LIN9: variants seen among roughly 807,000 people sequenced by gnomAD.
The protein encoded by LIN9 is lin-9 DREAM MuvB core complex component.
LIN9 carries 18 observed loss-of-function variants against 78.0 expected under a neutral mutation model. That is an observed-to-expected ratio of 0.23 (90% CI 0.16 to 0.34). The LOEUF is 0.34. LIN9 is among the 10% of genes least tolerant of loss of function. The pLI is 1.00. For synonymous variants in LIN9, 192 were observed against 215.2 expected, an observed-to-expected ratio of 0.89 and a Z score of 0.94; for missense variants, 451 against 644.1, an observed-to-expected ratio of 0.70 and a Z score of 3.25.
At chr1:226,288,310 C>A (rs1661503594) in intron 4 of LIN9, among the ~76,000 whole-genome samples, 1 of 152,022 alleles carries the variant, frequency 6.6e-6, no homozygotes, top group Non-Finnish European at 1.5e-5. Flanking sequence ...ACATTTCTCC[C>A]CACTCCAACC....
At chr1:226,241,630 G>A (rs533806203) in intron 11 of LIN9, among the ~76,000 whole-genome samples, 37 of 152,146 alleles carry the variant, frequency 2.4e-4, no homozygotes, top group African/African-American at 8.4e-4. Context: ...AGGCTGAGGC[G>A]GGTGGATCAC....
At chr1:226,267,561 G>C (rs904036387) in intron 8 of LIN9, among the ~76,000 whole-genome samples, 1 of 151,910 alleles carries the variant, frequency 6.6e-6, no homozygotes, top group East Asian at 1.9e-4. Context: ...CACCCACCTT[G>C]CATGCCTCTG....
chr1:226,241,263 A>C (rs996461111), intron 11 of LIN9, among the ~76,000 whole-genome samples: 6 of 152,202 alleles, frequency 3.9e-5, no homozygotes, highest in African/African-American at 1.4e-4. Context: ...TGCTGAATTT[A>C]ATTTCATTTC....
Position 226,232,536 on chromosome 1 carries a change from G to A in LIN9, c.1594C>T (p.His532Tyr), listed in dbSNP as rs182468793. The A allele has an allele frequency of 1.9e-6, 3 of 1,612,152 alleles. No homozygotes were observed. The highest frequency in any genetic ancestry group is 2.2e-5 in the East Asian group (1 of 44,806). ...QSGLSQMGNL[H>Y]AFAANNTNRD Reference sequence around the variant, plus strand: ...TTGGTGTTATTTGCTGCAAAGGCATGTAAGTTTCCCATCTGGCTCAGGCCA... The same window carrying A: ...TTGGTGTTATTTGCTGCAAAGGCATATAAGTTTCCCATCTGGCTCAGGCCA... Residue 532 changes from histidine (H) to tyrosine (Y), a missense_variant, in exon 15 of 15, where the codon CAT (histidine) becomes TAT (tyrosine). His to Tyr is a moderately conservative substitution (Grantham distance 83, BLOSUM62 2). Transcript: ENST00000681046.
At chr1:226,257,291 A>G (rs1016487371) in intron 10 of LIN9, among the ~76,000 whole-genome samples, 33 of 152,348 alleles carry the variant, frequency 2.2e-4, no homozygotes, top group African/African-American at 7.7e-4. Context: ...AGAAAATTTT[A>G]TATGTCAGAA....
chr1:226,294,845 GC>G (rs1319584249), intron 4 of LIN9, among the ~76,000 whole-genome samples: 1 of 151,098 alleles, frequency 6.6e-6, no homozygotes, highest in African/African-American at 2.4e-5. Flanking sequence ...TGTTGCCCAG[GC>G]TGGAGTGCAG....
At chr1:226,299,504 C>CAAAA (rs34440310) in intron 2 of LIN9, among the ~76,000 whole-genome samples, 1 of 88,936 alleles carries the variant, frequency 1.1e-5, no homozygotes, top group African/African-American at 4.4e-5. Flanking sequence ...GACTCAGTCT[C>CAAAA]AAAAAAAAAA....
chr1:226,265,500 ACAAACAGC>A lies in LIN9; in HGVS notation c.1038+25_1038+32del. ...AACATAAAAGGCATTGAGTTTTTAA[ACAAACAGC>A]CAAGATATTCAGAACAATTCTTACC... On this transcript the variant is annotated intron_variant, in intron 10 of 14. Transcript: ENST00000681046. This position sits in a 1 kb window ranked among gnomAD's most constrained non-coding sequence, Gnocchi z 4.1. The A allele has an allele frequency of 7.1e-7, 1 of 1,406,748 alleles. No homozygotes were observed. The highest frequency in any genetic ancestry group is 1.0e-6 in the Non-Finnish European group (1 of 1,001,180). The allele number at this position is 1,406,748 out of a possible 1,614,324, so 87.1% of individuals were successfully genotyped here.
In LIN9 at chr1:226,266,326, C is replaced by T; in HGVS notation, c.823G>A (p.Glu275Lys). ...TIPDYEVLSN[E>K]PHETMPIAAF... ...GCAATTGGCATTGTCTCATGAGGTT[C>T]ATTACTCTGAGAAAACAGAATAATT... Residue 275 changes from glutamate (E) to lysine (K), a missense_variant, in exon 9 of 15, where the codon GAA (glutamate) becomes AAA (lysine). Transcript: ENST00000681046. 1 of 1,586,238 alleles carries T rather than the reference C, an allele frequency of 6.3e-7. No individual in the cohort carries two copies. The highest frequency in any genetic ancestry group is 8.6e-7 in the Non-Finnish European group (1 of 1,165,086).
chr1:226,247,014 G>T (rs1390359351), intron 11 of LIN9, among the ~76,000 whole-genome samples: 1 of 151,254 alleles, frequency 6.6e-6, no homozygotes, highest in Non-Finnish European at 1.5e-5. Context: ...CCTATTTATC[G>T]TCTCTTCTCT....
At chr1:226,253,414 C>T (rs1553276471) in intron 10 of LIN9, among the ~76,000 whole-genome samples, 1 of 151,748 alleles carries the variant, frequency 6.6e-6, no homozygotes, top group Non-Finnish European at 1.5e-5. Context: ...ATGCCTCAGG[C>T]TCCCGAGTAG....
chr1:226,258,394 G>T (rs1174533774), intron 10 of LIN9, among the ~76,000 whole-genome samples: 1 of 151,492 alleles, frequency 6.6e-6, no homozygotes, highest in Admixed American at 6.6e-5. Flanking sequence ...CTAGCTACTT[G>T]GGAGGCTGAG....
intron 1 of LIN9, among the ~76,000 whole-genome samples, chr1:226,301,998 G>A (rs1662563868): frequency 6.6e-6 from 1 of 152,230 alleles, no homozygotes; most frequent in Non-Finnish European, 1.5e-5. Context: ...GAGCCTGGGA[G>A]GTTGAGGCGG....
Position 226,277,827 on chromosome 1 carries a change from T to C in LIN9, c.630A>G (p.Lys210=), listed in dbSNP as rs1660765234. 1.9e-6 allele frequency: 3 copies of C among 1,613,962 alleles called. No individual in the cohort carries two copies. The highest frequency in any genetic ancestry group is 1.7e-5 in the Admixed American group (1 of 60,014). The change falls in exon 7 of 15, where the codon AAA becomes AAG. Residue 210 remains lysine (K), a synonymous_variant. Coordinates refer to ENST00000681046, the MANE Select transcript of LIN9 (RefSeq NM_001366245.2). ...GCAAAGGAATTTCATCTGGGAGATC[T>C]TTGAATTGTGAAACATCTGCAACTT... ...QRKVADVSQF[K]DLPDEIPLPL...
At chr1:226,307,368 C>T (rs909762449) in intron 1 of LIN9, among the ~76,000 whole-genome samples, 1 of 152,220 alleles carries the variant, frequency 6.6e-6, no homozygotes, top group Non-Finnish European at 1.5e-5. Flanking sequence ...TGCGGTGGCT[C>T]ACGCCTGTAA....
intron 10 of LIN9, among the ~76,000 whole-genome samples, chr1:226,258,933 A>C (rs938535112): frequency 6.8e-6 from 1 of 147,716 alleles, no homozygotes; most frequent in Non-Finnish European, 1.5e-5. Context: ...AAGGCATTAC[A>C]TAATGAGAAA....
chr1:226,252,611 G>A (rs1367038422), intron 10 of LIN9, among the ~76,000 whole-genome samples: 1 of 152,046 alleles, frequency 6.6e-6, no homozygotes, highest in Non-Finnish European at 1.5e-5. Flanking sequence ...AATACCAACT[G>A]AATATTTGAT....
At chr1:226,250,711 T>G (rs984259173) in intron 11 of LIN9, 128 bp downstream of exon 11, 44 of 584,670 alleles carry the variant, frequency 7.5e-5, no homozygotes, top group Admixed American at 1.9e-4. Context: ...CTCATGCAAA[T>G]GAGGATTTAA....
Position 226,297,789 on chromosome 1 carries a change from T to C in LIN9, c.89A>G (p.Asn30Ser). ...LKEGSLSNTWNEKYSSLQKTP... is the reference protein window; with the variant it reads ...LKEGSLSNTWSEKYSSLQKTP... The stretch of plus-strand genomic sequence containing the variant: ...TTTCTGTAAAGAACTGTACTTTTCA[T>C]TCCACGTGTTAGATAAGCTTCCTTC... The change falls in exon 3 of 15, where the codon AAT becomes AGT. Residue 30 changes from asparagine (N) to serine (S), a missense_variant. Physicochemically the swap from Asn to Ser is conservative, Grantham distance 46. Transcript: ENST00000681046. 3.8e-6 allele frequency: 6 copies of C among 1,585,994 alleles called. No homozygotes were observed. The highest frequency in any genetic ancestry group is 5.1e-6 in the Non-Finnish European group (6 of 1,168,256).
Sources: gnomAD v4.1 joint callset for allele counts (sites outside exome capture counted in the v4.1 genomes callset) on GRCh38, gnomAD v4.1.1 for gene constraint, Gnocchi (gnomAD v3.1) non-coding constraint, MANE v1.5 for transcripts, NCBI Gene and HGNC (gene_info 2026-07-23, HGNC 2026-07-21) for gene names.